GGNBP2: variants seen among roughly 807,000 people sequenced by gnomAD.
GGNBP2 encodes the protein gametogenetin-binding protein 2.
GGNBP2 carries 10 observed loss-of-function variants against 85.9 expected under a neutral mutation model. That is an observed-to-expected ratio of 0.12 (90% CI 0.07 to 0.20). GGNBP2 has a LOEUF of 0.20. GGNBP2 is among the 10% of genes least tolerant of loss of function. GGNBP2 has a pLI of 1.00. For synonymous variants in GGNBP2, 287 were observed against 285.7 expected, an observed-to-expected ratio of 1.00 and a Z score of -0.05; for missense variants, 595 against 857.8, an observed-to-expected ratio of 0.69 and a Z score of 3.83.
intron 6 of GGNBP2, among the ~76,000 whole-genome samples, chr17:36,575,996 C>T (rs1043758224): frequency 5.3e-5 from 8 of 150,384 alleles, no homozygotes; most frequent in Non-Finnish European, 8.9e-5. Flanking sequence ...TCCAGCAAAA[C>T]GTGTGTGCAT....
rs1164333547 is a variant in GGNBP2, at chr17:36,574,858, A to G, written c.642-3125A>G. The G allele has an allele frequency of 5.7e-6, 4 of 707,928 alleles. No individual in the cohort carries two copies. The Admixed American group carries it at 8.0e-5, about 14-fold the overall frequency. 43.9% of individuals were successfully genotyped at this position (707,928 alleles called of 1,614,324 possible). ...AGTAGCCTCTGTGCACAGGGACAAT[A>G]GAGAGCTTGGCCAGGATGATGGCCC... On this transcript the variant is annotated intron_variant, in intron 6 of 13. Transcript: ENST00000613102.
Position 36,574,748 on chromosome 17 carries a change from G to A in GGNBP2, c.642-3235G>A, listed in dbSNP as rs142032999. On this transcript the variant is annotated intron_variant, in intron 6 of 13. Transcript: ENST00000613102. Reference sequence around the variant, plus strand: ...TGAGACGATGCCAGTGCCTCTGGGCGTAGGGATGAGGCGCACCAGCACAGA... The same window carrying A: ...TGAGACGATGCCAGTGCCTCTGGGCATAGGGATGAGGCGCACCAGCACAGA... The A allele has an allele frequency of 2.9e-4, 182 of 627,358 alleles. 3 individuals carry two copies. Among genetic ancestry groups the A allele is most frequent in the East Asian group, 2.2e-3 (81 of 36,240 alleles). 38.9% of individuals were successfully genotyped at this position (627,358 alleles called of 1,614,324 possible).
chr17:36,579,335 A>G lies in GGNBP2; in HGVS notation c.936A>G (p.Arg312=). 1 of 1,614,202 alleles carries G rather than the reference A, an allele frequency of 6.2e-7. No homozygotes were observed. Among genetic ancestry groups the G allele is most frequent in the Non-Finnish European group, 8.5e-7 (1 of 1,180,008 alleles). ...TTCATCTTTATGAAAGACTGCATCG[A>G]ATCTGGCAGAAGCTACGGGCAGAAG... is the stretch of plus-strand genomic sequence containing the variant. The part of the protein sequence containing the change: ...LGIHLYERLH[R]IWQKLRAEEQ... The change falls in exon 8 of 14, where the codon CGA becomes CGG. Residue 312 remains arginine (R), a synonymous_variant. Transcript: ENST00000613102.
intron 6 of GGNBP2, chr17:36,577,677 G>T: frequency 2.5e-6 from 1 of 395,940 alleles, no homozygotes; most frequent in Non-Finnish European, 4.7e-6. Context: ...GTGGAGATAT[G>T]CTAGTTCTTG....
At chr17:36,551,790 C>T (rs1433781990) in intron 2 of GGNBP2, among the ~76,000 whole-genome samples, 2 of 151,980 alleles carry the variant, frequency 1.3e-5, no homozygotes, top group East Asian at 3.9e-4. Flanking sequence ...GATTGAGCTA[C>T]TGCACTCCAG....
intron 6 of GGNBP2, chr17:36,576,629 G>GTGTGTGTGTA (rs1203227585): frequency 4.3e-4 from 48 of 111,046 alleles, no homozygotes; most frequent in African/African-American, 1.8e-3. Context: ...GTGTGTGTGT[G>GTGTGTGTGTA]TATATGTATA....
chr17:36,563,475 C>T (rs2074439287), intron 5 of GGNBP2, among the ~76,000 whole-genome samples: 1 of 151,994 alleles, frequency 6.6e-6, no homozygotes, highest in Admixed American at 6.6e-5. Context: ...CATCCTTCCA[C>T]ATGCATCTCT....
chr17:36,578,290 G>T (rs1003280826), intron 7 of GGNBP2, 104 bp downstream of exon 7: 8 of 835,158 alleles, frequency 9.6e-6, no homozygotes, highest in Non-Finnish European at 1.5e-5. Flanking sequence ...TATGATATAT[G>T]TATAAATTAA....
In GGNBP2 at chr17:36,545,827, C is replaced by A. The variant is rs1282909949; in HGVS notation, c.93+10C>A. The A allele has an allele frequency of 1.3e-6, 2 of 1,534,976 alleles. No homozygotes were observed. The highest frequency in any genetic ancestry group is 2.5e-5 in the East Asian group (1 of 40,786). Reference sequence around the variant, plus strand: ...AGACGACACCCTGACGGTGAGCGGGCCGGGCCGGGCTGGGCCCGCCGCTCC... The same window carrying A: ...AGACGACACCCTGACGGTGAGCGGGACGGGCCGGGCTGGGCCCGCCGCTCC... On this transcript the variant is annotated intron_variant, in intron 2 of 13. Coordinates refer to ENST00000613102, the MANE Select transcript of GGNBP2 (RefSeq NM_024835.5).
chr17:36,557,014 C>T (rs1429435431), intron 3 of GGNBP2, 69 bp from the exon 4 acceptor site: 2 of 1,572,986 alleles, frequency 1.3e-6, no homozygotes, highest in Non-Finnish European at 1.7e-6. Flanking sequence ...GGATAGGAAC[C>T]AGTAGTAGTG....
In GGNBP2 at chr17:36,588,044, C is replaced by G. The variant is rs888577560; in HGVS notation, c.1890+799C>G. 6.6e-5 allele frequency among the ~76,000 whole-genome samples: 10 copies of G among 152,120 alleles called. No homozygotes were observed. The East Asian group carries it at 9.6e-4, about 15-fold the overall frequency. On this transcript the variant is annotated intron_variant, in intron 13 of 13. Coordinates refer to ENST00000613102, the MANE Select transcript of GGNBP2 (RefSeq NM_024835.5). ...CTGATTGGCAAGTTATGGTAGCCAC[C>G]CTTCCATACCAGAAAGAATATACAA...
intron 6 of GGNBP2, chr17:36,574,930 G>T: frequency 9.5e-7 from 1 of 1,048,042 alleles, no homozygotes; most frequent in Non-Finnish European, 1.4e-6. Context: ...CACCCAGACC[G>T]ATGTGGCCAT....
chr17:36,566,537 G>GGT (rs1786539984), intron 5 of GGNBP2, among the ~76,000 whole-genome samples: 1 of 151,912 alleles, frequency 6.6e-6, no homozygotes, highest in Admixed American at 6.6e-5. Flanking sequence ...AAAATAACCT[G>GGT]GTGTGGTGGT....
In GGNBP2 at chr17:36,586,202, A is replaced by G; in HGVS notation, c.1641+4A>G. 6.2e-7 allele frequency: 1 copy of G among 1,610,052 alleles called. No individual in the cohort carries two copies. Among genetic ancestry groups the G allele is most frequent in the Non-Finnish European group, 8.5e-7 (1 of 1,179,442 alleles). On this transcript the variant is annotated splice_donor_region_variant and intron_variant, in intron 12 of 13. Coordinates refer to ENST00000613102, the MANE Select transcript of GGNBP2 (RefSeq NM_024835.5). The stretch of plus-strand genomic sequence containing the variant: ...GATACTGAAATGTGATGAACATGTA[A>G]GTGTCATAACTTGTAATTCTTAAAC...
In GGNBP2 at chr17:36,581,485, G is replaced by A. The variant is rs140784148; in HGVS notation, c.1162G>A (p.Asp388Asn). 72 of 1,613,364 alleles carry A rather than the reference G, an allele frequency of 4.5e-5. No homozygotes were observed. Among genetic ancestry groups the A allele is most frequent in the African/African-American group, 8.0e-5 (6 of 74,888 alleles). Residue 388 changes from aspartate (D) to asparagine (N), a missense_variant, in exon 9 of 14, where the codon GAT becomes AAT. By Grantham distance (23) the Asp-to-Asn change is conservative. This residue lies in a region of GGNBP2 where 85 missense variants were observed against 92.6 expected (regional missense o/e 0.92). Transcript: ENST00000613102. ...TAGACGAAAAAATAAGTGTGTGTGT[G>A]ATATTCCTACTCCCTTACAAACAGC... ...KNRRKNKCVC[D>N]IPTPLQTADE...
intron 5 of GGNBP2, among the ~76,000 whole-genome samples, chr17:36,564,178 G>C (rs1237490651): frequency 6.6e-6 from 1 of 152,158 alleles, no homozygotes; most frequent in Non-Finnish European, 1.5e-5. Context: ...TTTCACATTA[G>C]AGATGACCTG....
At chr17:36,588,548 G>A (rs1567837557) in intron 13 of GGNBP2, among the ~76,000 whole-genome samples, 5 of 151,650 alleles carry the variant, frequency 3.3e-5, no homozygotes, top group South Asian at 4.2e-4. Flanking sequence ...GAGCCACCGC[G>A]CCCAGCTAGT....
At chr17:36,552,570 A>AT (rs906590578) in intron 2 of GGNBP2, among the ~76,000 whole-genome samples, 57 of 152,298 alleles carry the variant, frequency 3.7e-4, no homozygotes, top group African/African-American at 1.1e-3. Context: ...AAGTGTCTTT[A>AT]TTATTACTTA....
chr17:36,562,021 G>A (rs1014634257), intron 5 of GGNBP2, among the ~76,000 whole-genome samples: 4 of 152,174 alleles, frequency 2.6e-5, no homozygotes, highest in African/African-American at 7.2e-5. Context: ...CTTTCTCCCA[G>A]CACAGTGCCA....
Sources: gnomAD v4.1 joint callset for allele counts (sites outside exome capture counted in the v4.1 genomes callset) on GRCh38, gnomAD v4.1.1 for gene constraint, gnomAD v4.1.1 regional missense constraint, MANE v1.5 for transcripts, NCBI Gene and HGNC (gene_info 2026-07-23, HGNC 2026-07-21) for gene names.